The following DCDC2C variants were observed in gnomAD, a reference collection of about 807,000 sequenced individuals.
DCDC2C encodes doublecortin domain containing 2C.
DCDC2C carries 44 observed loss-of-function variants against 45.0 expected under a neutral mutation model. The observed-to-expected ratio is 0.98, with a 90% confidence interval of 0.77 to 1.26. DCDC2C has a LOEUF of 1.26. Ranked by LOEUF, DCDC2C falls within the 50% of genes most tolerant of loss-of-function variation. The probability of loss-of-function intolerance (pLI) is 0.00; values close to 1 mark genes in which losing one functional copy is unlikely to be tolerated. For missense variants in DCDC2C, 447 were observed against 468.9 expected (o/e 0.95, Z 0.43); for synonymous variants, 187 against 178.8 (o/e 1.05, Z -0.37).
chr2:3,746,792 G>T (rs1669375485), intron 4 of DCDC2C, among the ~76,000 whole-genome samples: 2 of 152,192 alleles, frequency 1.3e-5, no homozygotes, highest in South Asian at 2.1e-4. Context: ...GACAGAGGAG[G>T]ACCTTGAGCC....
At chr2:3,843,692 A>T (rs566934741) in intron 10 of DCDC2C, among the ~76,000 whole-genome samples, 56 of 152,228 alleles carry the variant, frequency 3.7e-4, no homozygotes, top group African/African-American at 1.3e-3. Flanking sequence ...CTGCACTCTG[A>T]TTTCTTTCTT....
At chr2:3,839,961 G>A (rs1032353259) in intron 10 of DCDC2C, among the ~76,000 whole-genome samples, 1 of 152,232 alleles carries the variant, frequency 6.6e-6, no homozygotes, top group African/African-American at 2.4e-5. Flanking sequence ...CTGCTAAGTT[G>A]CTGAATTGGC....
chr2:3,740,352 A>G (rs1324453403), intron 3 of DCDC2C, among the ~76,000 whole-genome samples: 1 of 152,226 alleles, frequency 6.6e-6, no homozygotes, highest in Non-Finnish European at 1.5e-5. Context: ...GTTAGTGGTT[A>G]TTGATCCTTT....
chr2:3,748,110 G>A (rs1669427133), intron 4 of DCDC2C, among the ~76,000 whole-genome samples: 1 of 152,214 alleles, frequency 6.6e-6, no homozygotes, highest in Admixed American at 6.5e-5. Context: ...GAGCCCGGGA[G>A]TGAAGGCTGC....
intron 10 of DCDC2C, among the ~76,000 whole-genome samples, chr2:3,815,386 A>T (rs2148218116): frequency 6.6e-6 from 1 of 152,246 alleles, no homozygotes; most frequent in Middle Eastern, 3.4e-3. Context: ...TGATGAGAGA[A>T]CCTGGATATC....
At chr2:3,750,221 T>A (rs986676078) in intron 4 of DCDC2C, among the ~76,000 whole-genome samples, 5 of 152,176 alleles carry the variant, frequency 3.3e-5, no homozygotes, top group Non-Finnish European at 7.3e-5. Context: ...TTCTGTCCCT[T>A]GGTCTCCCCT....
At chr2:3,749,646 C>T (rs1310444114) in intron 4 of DCDC2C, among the ~76,000 whole-genome samples, 2 of 152,194 alleles carry the variant, frequency 1.3e-5, no homozygotes, top group Non-Finnish European at 2.9e-5. Flanking sequence ...GTGCCTGAAC[C>T]GTTTGTTCCT....
chr2:3,829,191 C>T (rs989419417), intron 10 of DCDC2C, among the ~76,000 whole-genome samples: 1 of 151,992 alleles, frequency 6.6e-6, no homozygotes, highest in African/African-American at 2.4e-5. Flanking sequence ...CGCTTCTTCT[C>T]AGTTTCTTTG....
intron 10 of DCDC2C, among the ~76,000 whole-genome samples, chr2:3,840,639 T>G (rs943850939): frequency 6.6e-6 from 1 of 152,232 alleles, no homozygotes; most frequent in Admixed American, 6.5e-5. Flanking sequence ...ACCATGGTTT[T>G]ACACATTTTG....
chr2:3,735,814 A>T (rs571103545), intron 3 of DCDC2C, among the ~76,000 whole-genome samples: 8 of 145,618 alleles, frequency 5.5e-5, no homozygotes, highest in East Asian at 2.0e-4. Flanking sequence ...GGGTTTGACC[A>T]TTTTTTTTTT....
chr2:3,733,133 GTGGGGACATAT>G (rs1293575369), intron 3 of DCDC2C, among the ~76,000 whole-genome samples: 5 of 152,178 alleles, frequency 3.3e-5, no homozygotes, highest in Admixed American at 6.5e-5. Flanking sequence ...GCAGATCAGT[GTGGGGACATAT>G]TGGGGACATA....
intron 1 of DCDC2C, among the ~76,000 whole-genome samples, chr2:3,708,184 G>A (rs765220568): frequency 6.6e-6 from 1 of 152,152 alleles, no homozygotes. Flanking sequence ...TCCGACCTTA[G>A]CCTGTCATGG....
intron 10 of DCDC2C, among the ~76,000 whole-genome samples, chr2:3,841,212 G>A (rs1448329657): frequency 3.3e-5 from 5 of 152,118 alleles, no homozygotes; most frequent in Non-Finnish European, 4.4e-5. Context: ...ATCCTTAGGG[G>A]AGACATTTTC....
intron 10 of DCDC2C, among the ~76,000 whole-genome samples, chr2:3,844,822 C>T (rs1347541220): frequency 2.6e-5 from 4 of 152,130 alleles, no homozygotes; most frequent in Non-Finnish European, 4.4e-5. Context: ...CCGCTGGGGC[C>T]GACCTTCCCT....
rs571213393 is a variant in DCDC2C at position 3,716,588 on chromosome 2, A to G, written c.339+7988A>G. On this transcript the variant is annotated intron_variant, in intron 2 of 10. Coordinates refer to ENST00000399143, the MANE Select transcript of DCDC2C (RefSeq NM_001287444.2). ...TGTAGAGGTAACTGGAGGGGGAAAC[A>G]GAGCGAAGAGAGTTTTTCTAAGAAG... Among the ~76,000 whole-genome samples, 255 of 152,346 alleles carry G rather than the reference A, an allele frequency of 1.7e-3. 1 individual carries two copies. The highest frequency in any genetic ancestry group is 0.014 in the Middle Eastern group (4 of 294).
At chr2:3,723,573 T>A (rs984668692) in intron 2 of DCDC2C, among the ~76,000 whole-genome samples, 16 of 152,068 alleles carry the variant, frequency 1.1e-4, no homozygotes, top group African/African-American at 3.6e-4. Context: ...GGCCCGAGGC[T>A]CAGTGTGAGG....
At chr2:3,830,868 T>C (rs1421680946) in intron 10 of DCDC2C, among the ~76,000 whole-genome samples, 1 of 152,238 alleles carries the variant, frequency 6.6e-6, no homozygotes, top group Non-Finnish European at 1.5e-5. Flanking sequence ...TGTAACTCTT[T>C]TCTGAGAATC....
intron 9 of DCDC2C, among the ~76,000 whole-genome samples, chr2:3,780,813 C>G (rs1220766088): frequency 6.6e-6 from 1 of 152,174 alleles, no homozygotes; most frequent in African/African-American, 2.4e-5. Context: ...GTCGGCGTCA[C>G]GCAGGAGGTG....
At chr2:3,817,441 T>A (rs1671582505) in intron 10 of DCDC2C, among the ~76,000 whole-genome samples, 1 of 152,140 alleles carries the variant, frequency 6.6e-6, no homozygotes, top group African/African-American at 2.4e-5. Context: ...GTTAAGGCAA[T>A]GAGTTTGGCT....
Sources: gnomAD v4.1 joint callset for allele counts (sites outside exome capture counted in the v4.1 genomes callset) on GRCh38, gnomAD v4.1.1 for gene constraint, MANE v1.5 for transcripts, NCBI Gene and HGNC (gene_info 2026-07-23, HGNC 2026-07-21) for gene names.